Variants in TBL1XR1 observed in about 807,000 individuals in gnomAD.
TBL1XR1 encodes F-box-like/WD repeat-containing protein TBL1XR1.
Under a neutral mutation model 66.9 loss-of-function variants are expected in TBL1XR1, and 5 were observed. That is an observed-to-expected ratio of 0.07 (90% CI 0.04 to 0.16). TBL1XR1 has a LOEUF of 0.16. Ranked by LOEUF, TBL1XR1 falls within the 10% of genes least tolerant of loss-of-function variation. The pLI is 1.00. For missense variants in TBL1XR1, 238 were observed against 623.2 expected, an observed-to-expected ratio of 0.38 and a Z score of 6.58; for synonymous variants, 210 against 206.0, an observed-to-expected ratio of 1.02 and a Z score of -0.17.
chr3:177,079,371 T>G (rs951266404), intron 2 of TBL1XR1: 1 of 150,624 alleles, frequency 6.6e-6, no homozygotes, highest in Non-Finnish European at 1.5e-5. Context: ...AGGTGGAGCT[T>G]GCAGTGAGCC....
intron 1 of TBL1XR1, among the ~76,000 whole-genome samples, chr3:177,113,353 G>A (rs538123289): frequency 1.6e-4 from 25 of 152,160 alleles, no homozygotes; most frequent in East Asian, 9.7e-4. Flanking sequence ...TACAAGCAAC[G>A]AAAGCAAAAA....
At chr3:177,134,426 G>C (rs1728664263) in intron 1 of TBL1XR1, among the ~76,000 whole-genome samples, 1 of 152,166 alleles carries the variant, frequency 6.6e-6, no homozygotes, top group Non-Finnish European at 1.5e-5. Flanking sequence ...TGGAAGCCTA[G>C]TACTGTTGCT....
At chr3:177,069,790 A>AG (rs1294150655) in intron 2 of TBL1XR1, among the ~76,000 whole-genome samples, 21 of 92,438 alleles carry the variant, frequency 2.3e-4, no homozygotes, top group African/African-American at 8.7e-4. Context: ...AGGAAAAGGA[A>AG]GGAAAGGAAG....
At chr3:177,035,316 C>T (rs1470671837) in intron 12 of TBL1XR1, among the ~76,000 whole-genome samples, 3 of 152,084 alleles carry the variant, frequency 2.0e-5, no homozygotes, top group Non-Finnish European at 1.5e-5. Flanking sequence ...AAGCTCATCC[C>T]TCTTGATTTG....
intron 1 of TBL1XR1, among the ~76,000 whole-genome samples, chr3:177,188,772 T>G (rs1027559203): frequency 6.6e-6 from 1 of 152,260 alleles, no homozygotes; most frequent in African/African-American, 2.4e-5. Flanking sequence ...TTTACCAAAA[T>G]GTATTAACCT....
At chr3:177,117,061 C>G (rs79610615) in intron 1 of TBL1XR1, among the ~76,000 whole-genome samples, 1 of 151,998 alleles carries the variant, frequency 6.6e-6, no homozygotes, top group Non-Finnish European at 1.5e-5. Flanking sequence ...AATGGGGTAA[C>G]GATTCTAGAA....
In TBL1XR1 at chr3:177,173,280, T is replaced by C. The variant is rs887917945; in HGVS notation, c.-122+23841A>G. On this transcript the variant is annotated intron_variant, in intron 1 of 15. Transcript: ENST00000457928. ...AAATTTTCCATGCTTTTCCCTCTAG[T>C]ACGTAGAACTTAACATCCCTTTGCC... is the stretch of plus-strand genomic sequence containing the variant. Among the ~76,000 whole-genome samples, 5 of 152,344 alleles carry C rather than the reference T, an allele frequency of 3.3e-5. No homozygotes were observed. In the East Asian group the frequency reaches 9.6e-4, roughly 29 times the overall value.
At chr3:177,036,170 C>T (rs1037793196) in intron 12 of TBL1XR1, among the ~76,000 whole-genome samples, 1 of 152,172 alleles carries the variant, frequency 6.6e-6, no homozygotes, top group African/African-American at 2.4e-5. Flanking sequence ...GTGTCTATTT[C>T]TATAACTATC....
At chr3:177,080,305 C>T (rs376184043) in intron 2 of TBL1XR1, among the ~76,000 whole-genome samples, 5 of 152,154 alleles carry the variant, frequency 3.3e-5, no homozygotes, top group Non-Finnish European at 1.5e-5. Context: ...AATTATGGCC[C>T]GAAAAGACCT....
intron 1 of TBL1XR1, among the ~76,000 whole-genome samples, chr3:177,175,333 A>T (rs1734030307): frequency 6.6e-6 from 1 of 152,250 alleles, no homozygotes; most frequent in Admixed American, 6.5e-5. Context: ...ATTCTCAAAA[A>T]TGTGTTTGGT....
intron 1 of TBL1XR1, among the ~76,000 whole-genome samples, chr3:177,145,861 T>C (rs913307404): frequency 9.2e-5 from 14 of 152,184 alleles, no homozygotes; most frequent in Non-Finnish European, 1.9e-4. Context: ...CAGACAAAAT[T>C]CCCATACTGA....
At chr3:177,185,936 A>G (rs2108987264) in intron 1 of TBL1XR1, among the ~76,000 whole-genome samples, 1 of 152,254 alleles carries the variant, frequency 6.6e-6, no homozygotes, top group South Asian at 2.1e-4. Flanking sequence ...GCTTAAGCCC[A>G]GGAGTTGGAG....
chr3:177,026,566 T>A, intron 14 of TBL1XR1, 92 bp from the exon 15 acceptor site: 1 of 928,470 alleles, frequency 1.1e-6, no homozygotes, highest in Non-Finnish European at 1.5e-6. Context: ...GCTTTATTTC[T>A]AGCAATCAGA....
chr3:177,112,587 A>C (rs1034041275), intron 1 of TBL1XR1, among the ~76,000 whole-genome samples: 28 of 152,316 alleles, frequency 1.8e-4, no homozygotes, highest in African/African-American at 6.5e-4. Flanking sequence ...ACTCAGTATC[A>C]TTTAAATCTG....
At chr3:177,185,327 G>C (rs1201629125) in intron 1 of TBL1XR1, among the ~76,000 whole-genome samples, 1 of 152,058 alleles carries the variant, frequency 6.6e-6, no homozygotes, top group African/African-American at 2.4e-5. Context: ...GCAGCCAACC[G>C]GCCAGGGGCA....
At chr3:177,185,451 T>C (rs543769367) in intron 1 of TBL1XR1, among the ~76,000 whole-genome samples, 1 of 151,328 alleles carries the variant, frequency 6.6e-6, no homozygotes, top group East Asian at 2.0e-4. Flanking sequence ...TCTACTTAAG[T>C]ACAAAAAAAT....
At chr3:177,106,914 ACT>A (rs1274081150) in intron 1 of TBL1XR1, among the ~76,000 whole-genome samples, 4 of 84,876 alleles carry the variant, frequency 4.7e-5, no homozygotes, top group African/African-American at 2.5e-4. Context: ...CAGCATTACT[ACT>A]AAAAAAAAAA....
At chr3:177,058,920 T>C (rs1396214965) in intron 3 of TBL1XR1, among the ~76,000 whole-genome samples, 2 of 152,144 alleles carry the variant, frequency 1.3e-5, no homozygotes, top group African/African-American at 2.4e-5. Flanking sequence ...GAAAAACTTA[T>C]TTGGGAAAAA....
intron 2 of TBL1XR1, among the ~76,000 whole-genome samples, chr3:177,088,926 G>T (rs920380652): frequency 6.6e-6 from 1 of 152,040 alleles, no homozygotes; most frequent in African/African-American, 2.4e-5. Flanking sequence ...AAGTAACAAT[G>T]AACTTTCCTA....
Sources: gnomAD v4.1 joint callset for allele counts (sites outside exome capture counted in the v4.1 genomes callset) on GRCh38, gnomAD v4.1.1 for gene constraint, MANE v1.5 for transcripts, NCBI Gene and HGNC (gene_info 2026-07-23, HGNC 2026-07-21) for gene names.